TTLL7: variants seen among roughly 807,000 people sequenced by gnomAD.
TTLL7 encodes tubulin polyglutamylase TTLL7.
A neutral mutation model predicts 120.2 loss-of-function variants in TTLL7; 53 were observed. The observed-to-expected ratio is 0.44, with a 90% CI of 0.35 to 0.55. The LOEUF (loss-of-function observed/expected upper bound fraction) is 0.55. Among genes scored for constraint, TTLL7 ranks in the 20% least tolerant of loss-of-function variants. TTLL7 has a pLI of 0.00. For missense variants in TTLL7, 803 were observed against 1,054.7 expected (o/e 0.76, Z 3.31); for synonymous variants, 353 against 351.7 (o/e 1.00, Z -0.04).
In TTLL7 at chr1:83,906,388, C is replaced by G; in HGVS notation, c.2068G>C (p.Asp690His). 1 of 1,612,518 alleles carries G rather than the reference C, an allele frequency of 6.2e-7. No individual in the cohort carries two copies. Among genetic ancestry groups the G allele is most frequent in the Non-Finnish European group, 8.5e-7 (1 of 1,179,112 alleles). ...LTSQTLFVLK[D>H]MKIRFPGKSD... is the part of the protein sequence containing the mutation. ...TTTCCTGGAAACCGGATCTTCATGT[C>G]TTTGAGAACAAATAAGGTCTGACTT... Residue 690 changes from aspartate (D) to histidine (H), a missense_variant, in exon 17 of 21, where the codon GAC becomes CAC. This residue lies in a region of TTLL7 where 388 missense variants were observed against 450.4 expected (regional missense o/e 0.86). Coordinates refer to ENST00000260505, the MANE Select transcript of TTLL7 (RefSeq NM_024686.6).
At chr1:83,884,792 G>A (rs868799598) in intron 19 of TTLL7, among the ~76,000 whole-genome samples, 4 of 151,170 alleles carry the variant, frequency 2.6e-5, no homozygotes, top group Middle Eastern at 3.4e-3. Flanking sequence ...GTTAATGGGT[G>A]CAGCACACCA....
rs1376100802 is a variant in TTLL7 at position 83,883,570 on chromosome 1, A to G, written c.2370-434T>C. ...CATGCCCAGCACTATTAGTCCTTAA[A>G]GCTTTTAAAGCTGCCAACTTTGGAT... On this transcript the variant is annotated intron_variant, in intron 19 of 20. Coordinates refer to ENST00000260505, the MANE Select transcript of TTLL7 (RefSeq NM_024686.6). Among the ~76,000 whole-genome samples, 3 of 152,024 alleles carry G rather than the reference A, an allele frequency of 2.0e-5. No individual in the cohort carries two copies. In the East Asian group the frequency reaches 5.8e-4, roughly 29 times the overall value.
At chr1:83,894,854 G>A (rs1656076709) in intron 18 of TTLL7, among the ~76,000 whole-genome samples, 1 of 152,036 alleles carries the variant, frequency 6.6e-6, no homozygotes, top group South Asian at 2.1e-4. Context: ...GCTTCTCTTT[G>A]CTTTCAGTTT....
intron 4 of TTLL7, chr1:83,949,559 C>T (rs765984928): frequency 1.1e-5 from 3 of 277,346 alleles, no homozygotes; most frequent in Non-Finnish European, 1.3e-5. Flanking sequence ...ATCTCTTGAC[C>T]TCGTGATCCA....
rs17855097 is a variant in TTLL7 at position 83,911,169 on chromosome 1, T to A, written c.1782A>T (p.Gln594His). The change falls in exon 15 of 21, where the codon CAA (glutamine) becomes CAT (histidine). Residue 594 changes from glutamine to histidine, a missense_variant. Transcript: ENST00000260505. ...AATTAGAAGAAATTGACTTACTGGG[T>A]TGTTGAATTAATTTGTAGTGGTTGG... ...KPSNHYKLIQQPSSIRRSVSC... is the reference protein window; with the variant it reads ...KPSNHYKLIQHPSSIRRSVSC... 1 of 1,604,590 alleles carries A rather than the reference T, an allele frequency of 6.2e-7. No homozygotes were observed. Among genetic ancestry groups the A allele is most frequent in the Non-Finnish European group, 8.5e-7 (1 of 1,172,622 alleles).
chr1:83,901,428 T>C (rs928347363), intron 18 of TTLL7, among the ~76,000 whole-genome samples: 1 of 152,018 alleles, frequency 6.6e-6, no homozygotes, highest in African/African-American at 2.4e-5. Flanking sequence ...CTTTTCTCTA[T>C]TGGTTTGAAA....
rs1414649330 is a variant in TTLL7 at position 83,947,255 on chromosome 1, A to G, written c.375T>C (p.Tyr125=). The G allele has an allele frequency of 6.2e-7, 1 of 1,611,668 alleles. No individual in the cohort carries two copies. The highest frequency in any genetic ancestry group is 8.5e-7 in the Non-Finnish European group (1 of 1,179,318). Residue 125 remains tyrosine, a synonymous_variant, in exon 6 of 21, where the codon TAT becomes TAC. Transcript: ENST00000260505. ...AGATCCAAGTTCGAGGAACAAAGGT[A>G]TAATCCAGAGGCCGAGACTTGATCA... ...TKMIKSRPLD[Y]TFVPRTWIFP...
Position 83,947,293 on chromosome 1 carries a change from G to A in TTLL7, c.348-11C>T. 6.3e-7 allele frequency: 1 copy of A among 1,577,850 alleles called. No homozygotes were observed. Among genetic ancestry groups the A allele is most frequent in the Non-Finnish European group, 8.6e-7 (1 of 1,167,826 alleles). Reference sequence around the variant, plus strand: ...CGAGACTTGATCATTCTGTAAATTGGACATAATAGGAAAAATAATTTCTAT... The same window carrying A: ...CGAGACTTGATCATTCTGTAAATTGAACATAATAGGAAAAATAATTTCTAT... On this transcript the variant is annotated splice_polypyrimidine_tract_variant and intron_variant, in intron 5 of 20. Transcript: ENST00000260505.
At chr1:83,906,820 T>C (rs543800777) in intron 16 of TTLL7, among the ~76,000 whole-genome samples, 2 of 152,206 alleles carry the variant, frequency 1.3e-5, no homozygotes, top group Admixed American at 6.5e-5. Context: ...CTCACTTATA[T>C]TTCCTGACTT....
rs774366508 is a variant in TTLL7, at chr1:83,949,983, C to T, written c.161G>A (p.Arg54His). ...NVAGTKFEIVRLVIDEMGFMK... is the reference protein window; with the variant it reads ...NVAGTKFEIVHLVIDEMGFMK... ...AAATCCCATTTCATCTATTACTAAA[C>T]GAACTGCAAGTAAACAGTTAAGTTA... The change falls in exon 4 of 21, where the codon CGT (arginine) becomes CAT (histidine). Residue 54 changes from arginine to histidine, a missense_variant. Arg to His is a conservative substitution (Grantham distance 29). Transcript: ENST00000260505. The T allele has an allele frequency of 1.9e-5, 31 of 1,610,160 alleles. No individual in the cohort carries two copies. Among genetic ancestry groups the T allele is most frequent in the East Asian group, 6.7e-5 (3 of 44,740 alleles).
chr1:83,883,277 T>C, intron 19 of TTLL7, 141 bp from the exon 20 acceptor site: 1 of 568,174 alleles, frequency 1.8e-6, no homozygotes, highest in East Asian at 3.1e-5. Flanking sequence ...GGTTTAAAGA[T>C]ATATAATAAA....
At position 83,870,062 on chromosome 1, in the gene TTLL7, G is replaced by C. The variant is rs374784821; in HGVS notation, c.2564C>G (p.Thr855Ser). The C allele has an allele frequency of 4.5e-6, 7 of 1,569,254 alleles. No individual in the cohort carries two copies. Among genetic ancestry groups the C allele is most frequent in the Middle Eastern group, 1.7e-4 (1 of 5,964 alleles). ...GGTTGGTGTTCTCAAGAAGAATTGG[G>C]TGCTCCCTGGTAGTAAATACCTAAA... ...GNSRYLLPGS[T>S]QFFLRTPTYN... The change falls in exon 21 of 21, where the codon ACC (threonine) becomes AGC (serine). Residue 855 changes from threonine to serine, a missense_variant. Coordinates refer to ENST00000260505, the MANE Select transcript of TTLL7 (RefSeq NM_024686.6).
At position 83,910,278 on chromosome 1, in the gene TTLL7, G is replaced by A. The variant is rs1657566077; in HGVS notation, c.1786+887C>T. Among the ~76,000 whole-genome samples the A allele has an allele frequency of 2.0e-5, 3 of 152,098 alleles. No individual in the cohort carries two copies. In the South Asian group the frequency reaches 6.2e-4, roughly 32 times the overall value. ...AAATACATTGCTGACGGTAAAAAGG[G>A]CTCACAATTGTGTTCACTGCATTAT... is the stretch of plus-strand genomic sequence containing the variant. On this transcript the variant is annotated intron_variant, in intron 15 of 20. Transcript: ENST00000260505.
intron 1 of TTLL7, among the ~76,000 whole-genome samples, chr1:83,993,798 C>T (rs181778790): frequency 6.6e-6 from 1 of 152,160 alleles, no homozygotes; most frequent in Non-Finnish European, 1.5e-5. Context: ...ATCCCAGAGC[C>T]AAAACAATTC....
rs928084710 is a variant in TTLL7, at chr1:83,882,198, C to T, written c.2543+765G>A. On this transcript the variant is annotated intron_variant, in intron 20 of 20. Coordinates refer to ENST00000260505, the MANE Select transcript of TTLL7 (RefSeq NM_024686.6). ...GCACATGTATACATATGTAACTAACCTGCACATTGTGCACATTTACCCTAA... is the reference window on the plus strand; with the variant it reads ...GCACATGTATACATATGTAACTAACTTGCACATTGTGCACATTTACCCTAA... Among the ~76,000 whole-genome samples the T allele has an allele frequency of 4.6e-4, 70 of 150,970 alleles. 1 individual carries two copies. The highest frequency in any genetic ancestry group is 1.6e-3 in the African/African-American group (67 of 41,164).
At chr1:83,983,992 G>A (rs1288090332) in intron 1 of TTLL7, 1 of 152,236 alleles carries the variant, frequency 6.6e-6, no homozygotes, top group African/African-American at 2.4e-5. Context: ...TCAGGAGGCT[G>A]AGATAGAAGG....
At chr1:83,891,834 A>ACC (rs34130560) in intron 18 of TTLL7, among the ~76,000 whole-genome samples, 118,647 of 151,468 alleles carry the variant, frequency 0.78, 46,748 homozygotes, top group East Asian at 0.89. Flanking sequence ...CCATGATACC[A>ACC]CCCTTTTTTT....
At chr1:83,915,688 T>C (rs1056723090) in intron 14 of TTLL7, among the ~76,000 whole-genome samples, 51 of 151,888 alleles carry the variant, frequency 3.4e-4, no homozygotes, top group Middle Eastern at 3.4e-3. Flanking sequence ...AAGAAACTAC[T>C]ATCAGAGTGA....
intron 14 of TTLL7, 142 bp downstream of exon 14, chr1:83,917,462 C>A (rs1273414962): frequency 8.6e-6 from 5 of 581,628 alleles, no homozygotes; most frequent in Admixed American, 3.4e-5. Flanking sequence ...AAGGTATCAT[C>A]ATCTTCCAAA....
Sources: allele counts gnomAD v4.1 joint callset (sites outside exome capture counted in the v4.1 genomes callset), GRCh38; gene constraint gnomAD v4.1.1; regional missense constraint gnomAD v4.1.1; transcripts MANE v1.5; gene names NCBI Gene and HGNC (gene_info 2026-07-23, HGNC 2026-07-21).